EPHA4: variants seen among roughly 807,000 people sequenced by gnomAD.
EPHA4 encodes EPH receptor A4.
In EPHA4, 19 loss-of-function variants were observed where a neutral mutation model predicts 108.3. The observed-to-expected ratio is 0.18, with a 90% CI of 0.12 to 0.26. The LOEUF is 0.26. Ranked by LOEUF, EPHA4 falls within the 10% of genes least tolerant of loss-of-function variation. The pLI is 1.00. For synonymous variants in EPHA4, 449 were observed against 455.5 expected, an observed-to-expected ratio of 0.99 and a Z score of 0.18; for missense variants, 917 against 1,254.0, an observed-to-expected ratio of 0.73 and a Z score of 4.06.
chr2:221,494,324 C>T (rs1470414609), intron 4 of EPHA4, among the ~76,000 whole-genome samples: 1 of 152,224 alleles, frequency 6.6e-6, no homozygotes, highest in African/African-American at 2.4e-5. Flanking sequence ...TACCTTAATG[C>T]CGGGTGCAGT....
Position 221,482,550 on chromosome 2 carries a change from G to A in EPHA4, c.1120C>T (p.Pro374Ser). 2.5e-6 allele frequency: 4 copies of A among 1,614,024 alleles called. No individual in the cohort carries two copies. Among genetic ancestry groups the A allele is most frequent in the Non-Finnish European group, 3.4e-6 (4 of 1,179,974 alleles). ...CTTCCACAGGGTCGGCACTTGCTGG[G>A]GTCACCAGCTCCACATTTCTTGCAT... Reference protein sequence around the residue: ...VVCKKCGAGDPSKCRPCGSGV... With the variant: ...VVCKKCGAGDSSKCRPCGSGV... Residue 374 changes from proline (P) to serine (S), a missense_variant, in exon 5 of 18, where the codon CCC becomes TCC. Transcript: ENST00000281821.
intron 6 of EPHA4, among the ~76,000 whole-genome samples, chr2:221,457,077 C>T (rs551559199): frequency 1.6e-4 from 25 of 152,032 alleles, no homozygotes; most frequent in African/African-American, 6.0e-4. Flanking sequence ...TAGTTCCACA[C>T]CCAGCAATTT....
At chr2:221,516,724 G>A (rs1693000335) in intron 3 of EPHA4, among the ~76,000 whole-genome samples, 1 of 152,128 alleles carries the variant, frequency 6.6e-6, no homozygotes, top group Non-Finnish European at 1.5e-5. Flanking sequence ...CAGTTCAAAT[G>A]CCATTGAGCA....
intron 3 of EPHA4, among the ~76,000 whole-genome samples, chr2:221,537,733 T>G (rs767952801): frequency 1.3e-5 from 2 of 152,142 alleles, no homozygotes; most frequent in Non-Finnish European, 2.9e-5. Flanking sequence ...GAGGCTGCAA[T>G]GAGCTATGAT....
At chr2:221,558,598 A>G (rs2106204687) in intron 3 of EPHA4, among the ~76,000 whole-genome samples, 1 of 152,276 alleles carries the variant, frequency 6.6e-6, no homozygotes, top group East Asian at 1.9e-4. Flanking sequence ...TTTCTGAAAG[A>G]TACAAGGAAG....
At chr2:221,503,708 A>G (rs1025755468) in intron 3 of EPHA4, among the ~76,000 whole-genome samples, 1 of 152,218 alleles carries the variant, frequency 6.6e-6, no homozygotes, top group African/African-American at 2.4e-5. Flanking sequence ...ACAGGCAGAA[A>G]ATACAAAATT....
intron 5 of EPHA4, among the ~76,000 whole-genome samples, chr2:221,475,512 A>AAG (rs1171904157): frequency 6.6e-6 from 1 of 152,208 alleles, no homozygotes; most frequent in Non-Finnish European, 1.5e-5. Flanking sequence ...ATAGCTTCTC[A>AAG]ACCTTGTTCT....
Position 221,425,929 on chromosome 2 carries a change from C to A in EPHA4, c.*99G>T. 1.1e-6 allele frequency: 1 copy of A among 918,152 alleles called. No individual in the cohort carries two copies. Among genetic ancestry groups the A allele is most frequent in the Non-Finnish European group, 1.7e-6 (1 of 583,128 alleles). The allele number at this position is 918,152 out of a possible 1,614,324, so 56.9% of individuals were successfully genotyped here. On this transcript the variant is annotated 3_prime_UTR_variant, in exon 17 of 18. Coordinates refer to ENST00000281821, the MANE Select transcript of EPHA4 (RefSeq NM_004438.5). ...TTTTTTTTTTTCATTTCTTTAATTT[C>A]AGAGGGCGAAGACGAAGTAAAAAAA...
At chr2:221,527,868 C>G (rs1214745905) in intron 3 of EPHA4, among the ~76,000 whole-genome samples, 1 of 152,172 alleles carries the variant, frequency 6.6e-6, no homozygotes, top group Non-Finnish European at 1.5e-5. Flanking sequence ...GAGTCCAAGG[C>G]AATCTGACTC....
chr2:221,515,085 T>C (rs948596766), intron 3 of EPHA4, among the ~76,000 whole-genome samples: 1 of 152,174 alleles, frequency 6.6e-6, no homozygotes, highest in African/African-American at 2.4e-5. Flanking sequence ...ATTTACAAGA[T>C]GCTACCTCAA....
rs577448617 is a variant in EPHA4, at chr2:221,488,296, G to A, written c.980-5606C>T. On this transcript the variant is annotated intron_variant, in intron 4 of 17. Transcript: ENST00000281821. ...CCTCAGAATTCTGCATGTAATTCCA[G>A]GAACTAAAAAGCCTATCTAAAAAGC... 9.2e-5 allele frequency among the ~76,000 whole-genome samples: 14 copies of A among 152,228 alleles called. No homozygotes were observed. In the East Asian group the frequency reaches 2.5e-3, roughly 27 times the overall value.
chr2:221,501,771 C>T (rs149612976), intron 3 of EPHA4, among the ~76,000 whole-genome samples: 3,978 of 152,162 alleles, frequency 0.026, 66 homozygotes, highest in South Asian at 0.046. Context: ...ACAGAAAGAA[C>T]CAAATCGAAA....
intron 15 of EPHA4, 87 bp from the exon 16 acceptor site, chr2:221,426,706 G>T: frequency 8.2e-7 from 1 of 1,212,260 alleles, no homozygotes. Flanking sequence ...AAATAGGCAA[G>T]GAGAACTGAA....
At chr2:221,431,593 T>C (rs1266693225) in intron 14 of EPHA4, among the ~76,000 whole-genome samples, 1 of 152,230 alleles carries the variant, frequency 6.6e-6, no homozygotes, top group African/African-American at 2.4e-5. Flanking sequence ...TTCTAGCAAT[T>C]ACACTACGTC....
chr2:221,471,684 G>A (rs914669651), intron 5 of EPHA4, among the ~76,000 whole-genome samples: 1 of 152,036 alleles, frequency 6.6e-6, no homozygotes, highest in Non-Finnish European at 1.5e-5. Flanking sequence ...TAATATAAGG[G>A]TTTCTTAAAT....
chr2:221,433,772 A>T (rs1438213090), intron 14 of EPHA4, among the ~76,000 whole-genome samples: 1 of 152,198 alleles, frequency 6.6e-6, no homozygotes, highest in East Asian at 1.9e-4. Flanking sequence ...TAAGCCTTTC[A>T]TGTCCGTTTT....
rs764963793 is a variant in EPHA4, at chr2:221,563,744, G to A, written c.810C>T (p.Ser270=). The A allele has an allele frequency of 5.0e-5, 80 of 1,613,834 alleles. No individual in the cohort carries two copies. The highest frequency in any genetic ancestry group is 1.2e-4 in the African/African-American group (9 of 74,896). ...GGACCCTCTTACCTTGGCATTCTCC[G>A]CTCCGCTCCTCATGCCCAGCGTTGC... The part of the protein sequence containing the change: ...CLCNAGHEER[S]GECQACKIGY... The change falls in exon 3 of 18, where the codon AGC becomes AGT. Residue 270 remains serine, a synonymous_variant. Transcript: ENST00000281821.
chr2:221,456,891 G>C, intron 6 of EPHA4, 119 bp from the exon 7 acceptor site: 1 of 1,028,056 alleles, frequency 9.7e-7, no homozygotes. Flanking sequence ...AAATGGAGAT[G>C]AATAAACTCT....
intron 3 of EPHA4, among the ~76,000 whole-genome samples, chr2:221,546,904 A>C (rs1340490138): frequency 6.6e-6 from 1 of 152,226 alleles, no homozygotes; most frequent in Non-Finnish European, 1.5e-5. Flanking sequence ...GTTGTGTTAC[A>C]AGAAACAGAA....
Sources: gnomAD v4.1 joint callset for allele counts (sites outside exome capture counted in the v4.1 genomes callset) on GRCh38, gnomAD v4.1.1 for gene constraint, MANE v1.5 for transcripts, NCBI Gene and HGNC (gene_info 2026-07-23, HGNC 2026-07-21) for gene names.